Variants in ANKMY1 observed in about 807,000 individuals in gnomAD.
ANKMY1 encodes ankyrin repeat and MYND domain containing 1.
A neutral mutation model predicts 102.0 loss-of-function variants in ANKMY1; 98 were observed. That is an observed-to-expected ratio of 0.96 (90% CI 0.82 to 1.14). The LOEUF (loss-of-function observed/expected upper bound fraction) is 1.14. Ranked by LOEUF, ANKMY1 falls within the 50% of genes most tolerant of loss-of-function variation. The pLI is 0.00. For missense variants in ANKMY1, 1,330 were observed against 1,347.6 expected, an observed-to-expected ratio of 0.99 and a Z score of 0.20; for synonymous variants, 582 against 559.9, an observed-to-expected ratio of 1.04 and a Z score of -0.56.
chr2:240,516,947 G>A (rs895714764), intron 9 of ANKMY1, among the ~76,000 whole-genome samples: 1 of 152,146 alleles, frequency 6.6e-6, no homozygotes, highest in African/African-American at 2.4e-5. Context: ...TTTGGAGTCT[G>A]GAAAGCTTTT....
At chr2:240,473,530 T>C in the ANKMY1 span, among the ~76,000 whole-genome samples, 8 of 143,568 alleles carry the variant, frequency 5.6e-5, no homozygotes, top group African/African-American at 1.8e-4. Flanking sequence ...GAAAAAAGCA[T>C]ACGGGACCTA....
chr2:240,539,539 G>T (rs925340165), intron 4 of ANKMY1, among the ~76,000 whole-genome samples: 2 of 152,206 alleles, frequency 1.3e-5, no homozygotes, highest in African/African-American at 4.8e-5. Context: ...CTTGAAGTCA[G>T]TGAGACCAAG....
At chr2:240,472,542 C>A in the ANKMY1 span, among the ~76,000 whole-genome samples, 1 of 152,198 alleles carries the variant, frequency 6.6e-6, no homozygotes, top group Non-Finnish European at 1.5e-5. Flanking sequence ...ACTGAGTGCA[C>A]CCTTGTCCCA....
intron 11 of ANKMY1, among the ~76,000 whole-genome samples, chr2:240,509,890 G>A (rs1166029062): frequency 1.3e-5 from 2 of 152,030 alleles, no homozygotes; most frequent in South Asian, 2.1e-4. Flanking sequence ...CCCTCGGCTG[G>A]TGGAGCACTC....
chr2:240,524,618 T>A (rs2082986320), intron 7 of ANKMY1, among the ~76,000 whole-genome samples: 1 of 152,216 alleles, frequency 6.6e-6, no homozygotes, highest in Non-Finnish European at 1.5e-5. Flanking sequence ...GCCCTATACA[T>A]GGCTGCTAAG....
chr2:240,520,311 G>A lies in ANKMY1; in HGVS notation c.2004+51C>T, dbSNP rs1040523301. The A allele has an allele frequency of 2.7e-6, 4 of 1,498,086 alleles. No individual in the cohort carries two copies. In the African/African-American group the frequency reaches 4.2e-5, roughly 16 times the overall value. 92.8% of individuals were successfully genotyped at this position (1,498,086 alleles called of 1,614,324 possible). A position where few individuals can be genotyped will look rare whatever the true frequency, so the allele number is the denominator to read the frequency against. On this transcript the variant is annotated intron_variant, in intron 9 of 17. Coordinates refer to ENST00000401804, the MANE Select transcript of ANKMY1 (RefSeq NM_001282771.3). This position sits in a 1 kb window ranked among gnomAD's most constrained non-coding sequence, Gnocchi z 4.8. Reference sequence around the variant, plus strand: ...TGGAGCGAGGAGCTTCCCGGCCAGTGCCCGGGAGTCTGCTGCGCTCGTCCC... The same window carrying A: ...TGGAGCGAGGAGCTTCCCGGCCAGTACCCGGGAGTCTGCTGCGCTCGTCCC...
intron 6 of ANKMY1, 127 bp downstream of exon 6, chr2:240,526,102 G>T: frequency 1.7e-6 from 2 of 1,203,740 alleles, no homozygotes; most frequent in Non-Finnish European, 2.4e-6. Context: ...AGGTGGAGGT[G>T]TGGACAATCA....
At chr2:240,515,679 G>T (rs779182446) in intron 9 of ANKMY1, among the ~76,000 whole-genome samples, 10 of 152,066 alleles carry the variant, frequency 6.6e-5, no homozygotes, top group Non-Finnish European at 1.3e-4. Flanking sequence ...GGTAAAATTT[G>T]TTTTTCTCTT....
chr2:240,550,151 T>G lies in ANKMY1; in HGVS notation c.480+2763A>C, dbSNP rs554111314. Among the ~76,000 whole-genome samples the G allele has an allele frequency of 5.6e-3, 850 of 151,824 alleles. 4 individuals are homozygous for G. The highest frequency in any genetic ancestry group is 9.1e-3 in the Admixed American group (138 of 15,244). ...ACAATGATAGACTGGATTAAGAAAA[T>G]GTGGCATATATACACCATGGAATAC... On this transcript the variant is annotated intron_variant, in intron 4 of 17. Coordinates refer to ENST00000401804, the MANE Select transcript of ANKMY1 (RefSeq NM_001282771.3).
rs905903885 is a variant in ANKMY1 at position 240,520,768 on chromosome 2, G to A, written c.1833-235C>T. 7.0e-6 allele frequency among the ~76,000 whole-genome samples: 1 copy of A among 142,880 alleles called. No individual in the cohort carries two copies. The highest frequency in any genetic ancestry group is 2.6e-5 in the African/African-American group (1 of 37,994). 93.7% of individuals were successfully genotyped at this position (142,880 alleles called of 152,430 possible). On this transcript the variant is annotated intron_variant, in intron 8 of 17. Coordinates refer to ENST00000401804, the MANE Select transcript of ANKMY1 (RefSeq NM_001282771.3). This position sits in a 1 kb window ranked among gnomAD's most constrained non-coding sequence, Gnocchi z 4.8. ...CACGGCACACACAGCACACCACACA[G>A]CACACTCACAACCACACCCACAGCA...
upstream of ANKMY1, chr2:240,560,704 G>A: frequency 6.5e-7 from 1 of 1,527,288 alleles, no homozygotes. Flanking sequence ...GCAGAAGCTG[G>A]GCGCCGCGGG....
At chr2:240,508,347 C>T (rs1179624729) in intron 12 of ANKMY1, among the ~76,000 whole-genome samples, 2 of 152,274 alleles carry the variant, frequency 1.3e-5, no homozygotes, top group Non-Finnish European at 2.9e-5. Flanking sequence ...CCCCACATGA[C>T]TTATTGAATG....
chr2:240,560,717 C>G (rs577759509), upstream of ANKMY1: 49 of 1,525,728 alleles, frequency 3.2e-5, no homozygotes, highest in African/African-American at 5.0e-4. Context: ...GCCGCGGGGC[C>G]GCCTCGCCCG....
At position 240,505,188 on chromosome 2, in the gene ANKMY1, G is replaced by A. The variant is rs542225345; in HGVS notation, c.2526+2372C>T. 3.1e-3 allele frequency among the ~76,000 whole-genome samples: 479 copies of A among 152,114 alleles called. 2 individuals are homozygous for A. Among genetic ancestry groups the A allele is most frequent in the Non-Finnish European group, 4.8e-3 (327 of 68,000 alleles). Reference sequence around the variant, plus strand: ...CAAAACATTAAACGTATGGCCGGGCGCGGTGGCTCAGGCCTGTAATCCCAG... The same window carrying A: ...CAAAACATTAAACGTATGGCCGGGCACGGTGGCTCAGGCCTGTAATCCCAG... On this transcript the variant is annotated intron_variant, in intron 13 of 17. Transcript: ENST00000401804.
In ANKMY1 at chr2:240,520,999, G is replaced by A. The variant is rs1365415297; in HGVS notation, c.1833-466C>T. Among the ~76,000 whole-genome samples the A allele has an allele frequency of 6.6e-6, 1 of 151,898 alleles. No homozygotes were observed. Among genetic ancestry groups the A allele is most frequent in the Non-Finnish European group, 1.5e-5 (1 of 67,978 alleles). On this transcript the variant is annotated intron_variant, in intron 8 of 17. Coordinates refer to ENST00000401804, the MANE Select transcript of ANKMY1 (RefSeq NM_001282771.3). This position sits in a 1 kb window ranked among gnomAD's most constrained non-coding sequence, Gnocchi z 4.8. Reference sequence around the variant, plus strand: ...ACCACAAAGACACAAACACACAGGCGCACACACACCTCTGAGGGGTCACTG... The same window carrying A: ...ACCACAAAGACACAAACACACAGGCACACACACACCTCTGAGGGGTCACTG...
chr2:240,477,613 C>T (rs556656316), downstream of ANKMY1, among the ~76,000 whole-genome samples: 2 of 152,142 alleles, frequency 1.3e-5, no homozygotes, highest in African/African-American at 2.4e-5. Context: ...TCTGGAACTC[C>T]GGGGCTCAAG....
upstream of ANKMY1, chr2:240,560,841 C>G (rs768842256): frequency 7.2e-7 from 1 of 1,397,404 alleles, no homozygotes; most frequent in Non-Finnish European, 9.2e-7. Flanking sequence ...CAACGTCTCC[C>G]GCCAGCAGCC....
intron 15 of ANKMY1, among the ~76,000 whole-genome samples, chr2:240,495,330 G>C (rs1464996604): frequency 6.6e-6 from 1 of 152,194 alleles, no homozygotes; most frequent in East Asian, 1.9e-4. Context: ...ACTGATGTCA[G>C]GCCCGCCCAC....
the ANKMY1 span, among the ~76,000 whole-genome samples, chr2:240,469,945 T>C: frequency 1.3e-5 from 2 of 152,192 alleles, no homozygotes; most frequent in South Asian, 4.1e-4. Flanking sequence ...CCCATACACA[T>C]GCATGCACAT....
Sources: allele counts gnomAD v4.1 joint callset (sites outside exome capture counted in the v4.1 genomes callset), GRCh38; gene constraint gnomAD v4.1.1; non-coding constraint Gnocchi (gnomAD v3.1); transcripts MANE v1.5; gene names NCBI Gene and HGNC (gene_info 2026-07-23, HGNC 2026-07-21).